The following MBNL1 variants were observed in gnomAD, a reference collection of about 807,000 sequenced individuals.
The protein encoded by MBNL1 is muscleblind-like protein 1.
In MBNL1, 8 loss-of-function variants were observed where a neutral mutation model predicts 42.2. The ratio of observed to expected loss-of-function variants is 0.19; its 90% CI spans 0.11 to 0.34. MBNL1 has a LOEUF of 0.34. Ranked by LOEUF, MBNL1 falls within the 10% of genes least tolerant of loss-of-function variation. The pLI is 1.00. For missense variants in MBNL1, 309 were observed against 495.3 expected, an observed-to-expected ratio of 0.62 and a Z score of 3.57; for synonymous variants, 169 against 173.9, an observed-to-expected ratio of 0.97 and a Z score of 0.22.
intron 2 of MBNL1, chr3:152,244,467 A>C (rs1576755447): frequency 6.6e-6 from 1 of 152,204 alleles, no homozygotes; most frequent in East Asian, 1.9e-4. Context: ...GCTATTTTTC[A>C]TTTTATTATT....
chr3:152,274,668 A>G (rs1375963902), intron 1 of MBNL1, among the ~76,000 whole-genome samples: 1 of 152,146 alleles, frequency 6.6e-6, no homozygotes, highest in African/African-American at 2.4e-5. Context: ...CCATATGTTT[A>G]TAGATAACAT....
At chr3:152,450,567 G>A (rs73872413) in intron 6 of MBNL1, among the ~76,000 whole-genome samples, 2,266 of 152,310 alleles carry the variant, frequency 0.015, 51 homozygotes, top group African/African-American at 0.051. Context: ...TCAGTCTAAA[G>A]AGTATAGTCA....
At chr3:152,444,448 A>G (rs888435290) in intron 4 of MBNL1, among the ~76,000 whole-genome samples, 1 of 152,202 alleles carries the variant, frequency 6.6e-6, no homozygotes, top group Non-Finnish European at 1.5e-5. Context: ...GATCAAAAAA[A>G]TAACTCCTGG....
chr3:152,349,629 GTATT>G (rs1335148031), intron 2 of MBNL1, among the ~76,000 whole-genome samples: 7 of 151,998 alleles, frequency 4.6e-5, no homozygotes, highest in African/African-American at 1.7e-4. Context: ...TAATAAGAAA[GTATT>G]TAGTTCCTTT....
intron 2 of MBNL1, among the ~76,000 whole-genome samples, chr3:152,398,722 G>A (rs1269407875): frequency 5.3e-5 from 8 of 152,114 alleles, no homozygotes; most frequent in Admixed American, 5.2e-4. Context: ...CTTTGCTTAT[G>A]TCCTTTCCAC....
intron 4 of MBNL1, among the ~76,000 whole-genome samples, chr3:152,441,928 G>A (rs2099150719): frequency 1.3e-5 from 2 of 152,096 alleles, no homozygotes; most frequent in African/African-American, 4.8e-5. Flanking sequence ...GAGTAGCTAG[G>A]ATTACAGGCG....
intron 2 of MBNL1, among the ~76,000 whole-genome samples, chr3:152,403,235 G>A (rs950491381): frequency 1.3e-5 from 2 of 151,458 alleles, no homozygotes; most frequent in Non-Finnish European, 2.9e-5. Context: ...CATGGCTGAC[G>A]CTCCTGTGAG....
rs540290375 is a variant in MBNL1, at chr3:152,368,364, G to GTCTC, written c.175-46574_175-46573insCTCT. On this transcript the variant is annotated intron_variant, in intron 2 of 9. Transcript: ENST00000324210. ...TTGAGGCCTCTGTTCTGTTCCATTG[G>GTCTC]TCTATATATCTGTTTTGCTAGCAGT... Among the ~76,000 whole-genome samples the GTCTC allele has an allele frequency of 2.4e-4, 37 of 152,120 alleles. No individual in the cohort carries two copies. In the South Asian group the frequency reaches 7.5e-3, roughly 31 times the overall value.
intron 2 of MBNL1, among the ~76,000 whole-genome samples, chr3:152,396,778 G>C (rs1474381123): frequency 2.0e-5 from 3 of 152,044 alleles, no homozygotes; most frequent in African/African-American, 4.8e-5. Context: ...GATAAATTAA[G>C]ATTCTCAAAA....
chr3:152,425,839 C>T (rs897537539), intron 3 of MBNL1, among the ~76,000 whole-genome samples: 2 of 152,060 alleles, frequency 1.3e-5, no homozygotes, highest in Non-Finnish European at 2.9e-5. Flanking sequence ...CCCAGCAGTC[C>T]CATTACTGGG....
At chr3:152,318,191 C>A (rs537248631) in intron 2 of MBNL1, among the ~76,000 whole-genome samples, 30 of 152,234 alleles carry the variant, frequency 2.0e-4, no homozygotes, top group African/African-American at 6.7e-4. Flanking sequence ...TTATGACTAG[C>A]TGAAAAATAT....
chr3:152,396,022 C>T (rs1440600292), intron 2 of MBNL1: 2 of 158,676 alleles, frequency 1.3e-5, no homozygotes, highest in Non-Finnish European at 2.8e-5. Context: ...CTGAGTTCTG[C>T]CTCCTGTCAG....
intron 3 of MBNL1, among the ~76,000 whole-genome samples, chr3:152,422,511 A>AC (rs1291088755): frequency 1.3e-5 from 2 of 152,196 alleles, no homozygotes; most frequent in African/African-American, 4.8e-5. Flanking sequence ...GGAGACTTTA[A>AC]CACCCCACTG....
intron 2 of MBNL1, among the ~76,000 whole-genome samples, chr3:152,300,642 TC>T (rs2060350275): frequency 6.6e-6 from 1 of 152,166 alleles, no homozygotes; most frequent in Middle Eastern, 3.2e-3. Flanking sequence ...TGGCAAAGTG[TC>T]TGTCTGTCCC....
At chr3:152,327,023 G>T (rs1422820492) in intron 2 of MBNL1, among the ~76,000 whole-genome samples, 2 of 151,880 alleles carry the variant, frequency 1.3e-5, no homozygotes, top group Admixed American at 1.3e-4. Context: ...TGACCAGGCT[G>T]GTCTTGAACT....
chr3:152,387,551 T>C (rs1227152770), intron 2 of MBNL1, among the ~76,000 whole-genome samples: 1 of 152,200 alleles, frequency 6.6e-6, no homozygotes, highest in East Asian at 1.9e-4. Flanking sequence ...TAATTATTTT[T>C]CACTGTTGCA....
At chr3:152,321,835 A>G (rs936903679) in intron 2 of MBNL1, among the ~76,000 whole-genome samples, 5 of 152,038 alleles carry the variant, frequency 3.3e-5, no homozygotes, top group African/African-American at 9.7e-5. Flanking sequence ...AAGAAAATGT[A>G]TTCAGATCTA....
intron 2 of MBNL1, among the ~76,000 whole-genome samples, chr3:152,349,424 A>G (rs1335445659): frequency 6.6e-6 from 1 of 152,144 alleles, no homozygotes; most frequent in Non-Finnish European, 1.5e-5. Flanking sequence ...TTTTAAAAGA[A>G]TAGCTGAATG....
chr3:152,298,105 G>A (rs879006364), intron 1 of MBNL1, among the ~76,000 whole-genome samples: 2 of 151,974 alleles, frequency 1.3e-5, no homozygotes, highest in African/African-American at 2.4e-5. Context: ...TTTAATGTAC[G>A]TATGTATTTA....
Sources: allele counts gnomAD v4.1 joint callset (sites outside exome capture counted in the v4.1 genomes callset), GRCh38; gene constraint gnomAD v4.1.1; transcripts MANE v1.5; gene names NCBI Gene and HGNC (gene_info 2026-07-23, HGNC 2026-07-21).